Variants in ZFYVE27 observed in about 807,000 individuals in gnomAD.
ZFYVE27 encodes zinc finger FYVE-type containing 27, also known as protrudin.
A neutral mutation model predicts 52.8 loss-of-function variants in ZFYVE27; 36 were observed. The ratio of observed to expected loss-of-function variants is 0.68; its 90% confidence interval spans 0.52 to 0.90. ZFYVE27 has a LOEUF of 0.90. ZFYVE27 is among the 40% of genes least tolerant of loss of function. The pLI, the probability that ZFYVE27 is intolerant of heterozygous loss-of-function variation, is 0.00. For synonymous variants in ZFYVE27, 223 were observed against 215.6 expected (o/e 1.03, Z -0.30); for missense variants, 450 against 527.2 (o/e 0.85, Z 1.43).
chr10:97,738,065 G>T (rs570927252), intron 1 of ZFYVE27, among the ~76,000 whole-genome samples: 2 of 152,212 alleles, frequency 1.3e-5, no homozygotes, highest in Non-Finnish European at 2.9e-5. Flanking sequence ...CTCTGTTAGG[G>T]TGAGTACGTG....
chr10:97,740,770 TA>T (rs2043406478), intron 2 of ZFYVE27, among the ~76,000 whole-genome samples: 1 of 152,168 alleles, frequency 6.6e-6, no homozygotes, highest in South Asian at 2.1e-4. Flanking sequence ...GTTCTTTTCT[TA>T]GTAAAGAGGA....
In ZFYVE27 at chr10:97,738,498, G is replaced by A. The variant is rs372037708; in HGVS notation, c.21G>A (p.Glu7=). The A allele has an allele frequency of 6.2e-7, 1 of 1,614,046 alleles. No homozygotes were observed. The highest frequency in any genetic ancestry group is 8.5e-7 in the Non-Finnish European group (1 of 1,180,040). ...ACAGGATGCAGACATCAGAACGTGAGGGGAGTGGGCCGGAGCTGAGCCCCA... is the reference window on the plus strand; with the variant it reads ...ACAGGATGCAGACATCAGAACGTGAAGGGAGTGGGCCGGAGCTGAGCCCCA... MQTSER[E]GSGPELSPSV... is the part of the protein sequence containing the mutation. The change falls in exon 2 of 13, where the codon GAG becomes GAA. Residue 7 remains glutamate, a synonymous_variant. Transcript: ENST00000684270.
chr10:97,753,679 C>A (rs2047591120), intron 10 of ZFYVE27, among the ~76,000 whole-genome samples: 1 of 152,152 alleles, frequency 6.6e-6, no homozygotes, highest in South Asian at 2.1e-4. Flanking sequence ...TCAAATGAGA[C>A]AGTAGTACTT....
At chr10:97,753,465 C>G (rs998957668) in intron 10 of ZFYVE27, among the ~76,000 whole-genome samples, 2 of 152,186 alleles carry the variant, frequency 1.3e-5, no homozygotes, top group Non-Finnish European at 2.9e-5. Context: ...CATCCCAGGA[C>G]TGTAGAGAAC....
At position 97,759,570 on chromosome 10, in the gene ZFYVE27, C is replaced by A; in HGVS notation, c.*270C>A. ...TTGTCCTGCTCTGCCTGGGACTGAG[C>A]GAGTGGACTTAGGGCTGGGCAGGCA... On this transcript the variant is annotated 3_prime_UTR_variant, in exon 13 of 13. Coordinates refer to ENST00000684270, the MANE Select transcript of ZFYVE27 (RefSeq NM_001385875.1). 1.9e-6 allele frequency: 1 copy of A among 531,180 alleles called. No homozygotes were observed. Among genetic ancestry groups the A allele is most frequent in the Non-Finnish European group, 3.4e-6 (1 of 291,702 alleles). The allele number at this position is 531,180 out of a possible 1,614,324, so 32.9% of individuals were successfully genotyped here. A position where few individuals can be genotyped will look rare whatever the true frequency, so the allele number is the denominator to read the frequency against.
intron 12 of ZFYVE27, among the ~76,000 whole-genome samples, chr10:97,758,734 A>G (rs888865625): frequency 2.0e-5 from 3 of 152,238 alleles, no homozygotes; most frequent in African/African-American, 7.2e-5. Context: ...TTTACCACCC[A>G]GAGGTAACCA....
Position 97,737,605 on chromosome 10 carries a change from C to T in ZFYVE27, c.-2+284C>T, listed in dbSNP as rs992859423. Reference sequence around the variant, plus strand: ...GGGGATTTCGGGGTCCCGTTGGCCCCTTTGTCCCATCCCCTCACCCTCCCA... The same window carrying T: ...GGGGATTTCGGGGTCCCGTTGGCCCTTTTGTCCCATCCCCTCACCCTCCCA... On this transcript the variant is annotated intron_variant, in intron 1 of 12. Coordinates refer to ENST00000684270, the MANE Select transcript of ZFYVE27 (RefSeq NM_001385875.1). Among the ~76,000 whole-genome samples the T allele has an allele frequency of 4.3e-4, 66 of 152,264 alleles. 2 individuals are homozygous for T. The highest frequency in any genetic ancestry group is 2.9e-5 in the Non-Finnish European group (2 of 68,050).
intron 8 of ZFYVE27, among the ~76,000 whole-genome samples, chr10:97,752,319 A>G (rs549690506): frequency 2.0e-5 from 3 of 152,260 alleles, no homozygotes; most frequent in East Asian, 1.9e-4. Flanking sequence ...ATTTACCCCA[A>G]CTCACCTCAA....
At chr10:97,753,226 G>A (rs370247638) in intron 10 of ZFYVE27, 44 bp downstream of exon 10, 1 of 1,585,382 alleles carries the variant, frequency 6.3e-7, no homozygotes, top group East Asian at 2.3e-5. Flanking sequence ...GAGTGGGGGT[G>A]GACTTCTGGG....
At chr10:97,746,199 C>T (rs1299932923) in intron 4 of ZFYVE27, among the ~76,000 whole-genome samples, 1 of 151,778 alleles carries the variant, frequency 6.6e-6, no homozygotes, top group Non-Finnish European at 1.5e-5. Flanking sequence ...CAGGCATGTG[C>T]CACCATGTCC....
At chr10:97,745,695 A>G (rs979104370) in intron 4 of ZFYVE27, among the ~76,000 whole-genome samples, 2 of 152,206 alleles carry the variant, frequency 1.3e-5, no homozygotes, top group African/African-American at 4.8e-5. Flanking sequence ...GGTGTCTTGT[A>G]CTGGGGAAGT....
intron 6 of ZFYVE27, chr10:97,750,005 C>A (rs1413184121): frequency 9.4e-6 from 4 of 426,030 alleles, no homozygotes; most frequent in African/African-American, 2.0e-5. Flanking sequence ...TCTGGAGAGG[C>A]ACTGAGTCGC....
chr10:97,756,764 C>T (rs976192586), intron 10 of ZFYVE27, among the ~76,000 whole-genome samples: 15 of 152,236 alleles, frequency 9.9e-5, no homozygotes, highest in African/African-American at 3.4e-4. Flanking sequence ...TTCATGTCTT[C>T]TTGGAATGTG....
At position 97,760,003 on chromosome 10, in the gene ZFYVE27, C is replaced by G. The variant is rs1338359304; in HGVS notation, c.*703C>G. 6.5e-6 allele frequency: 1 copy of G among 154,496 alleles called. No individual in the cohort carries two copies. Among genetic ancestry groups the G allele is most frequent in the African/African-American group, 2.4e-5 (1 of 41,480 alleles). 9.6% of individuals were successfully genotyped at this position (154,496 alleles called of 1,614,324 possible). Reference sequence around the variant, plus strand: ...AATAGCTGGACAGACCTCGGCCTCCCCTCGAAGACACCTCAATTCACAGAC... The same window carrying G: ...AATAGCTGGACAGACCTCGGCCTCCGCTCGAAGACACCTCAATTCACAGAC... On this transcript the variant is annotated 3_prime_UTR_variant, in exon 13 of 13. Transcript: ENST00000684270.
intron 10 of ZFYVE27, among the ~76,000 whole-genome samples, chr10:97,755,480 A>G (rs186548739): frequency 6.6e-6 from 1 of 152,332 alleles, no homozygotes; most frequent in East Asian, 1.9e-4. Flanking sequence ...GTCGTCATAG[A>G]CAGCACCTTC....
At chr10:97,755,034 G>T (rs551130540) in intron 10 of ZFYVE27, among the ~76,000 whole-genome samples, 3 of 152,182 alleles carry the variant, frequency 2.0e-5, no homozygotes, top group African/African-American at 7.2e-5. Flanking sequence ...GCCCTTGCGT[G>T]TGAAGTCCCT....
At position 97,744,770 on chromosome 10, in the gene ZFYVE27, G is replaced by A. The variant is rs766719967; in HGVS notation, c.310G>A (p.Ala104Thr). ...SVGALMISVPALLGYLQEVCR... is the reference protein window; with the variant it reads ...SVGALMISVPTLLGYLQEVCR... ...AGGTGCCCTGATGATTTCAGTGCCC[G>A]CCCTGCTGGGCTACCTTCAGGAGGT... is the stretch of plus-strand genomic sequence containing the variant. The change falls in exon 4 of 13, where the codon GCC (alanine) becomes ACC (threonine). Residue 104 changes from alanine to threonine, a missense_variant. Transcript: ENST00000684270. 8.1e-6 allele frequency: 13 copies of A among 1,613,886 alleles called. No homozygotes were observed. The highest frequency in any genetic ancestry group is 1.7e-4 in the Middle Eastern group (1 of 5,906).
chr10:97,750,511 G>T (rs769711278), intron 7 of ZFYVE27, 41 bp downstream of exon 7: 3 of 1,612,078 alleles, frequency 1.9e-6, no homozygotes, highest in South Asian at 2.2e-5. Flanking sequence ...GTGGCCGCTT[G>T]TGGGCCCCCC....
chr10:97,747,481 A>G (rs77254053), intron 4 of ZFYVE27, among the ~76,000 whole-genome samples: 9,874 of 152,246 alleles, frequency 0.065, 434 homozygotes, highest in Non-Finnish European at 0.094. Context: ...TAATTATTCT[A>G]TCGACATTTT....
Sources: gnomAD v4.1 joint callset for allele counts (sites outside exome capture counted in the v4.1 genomes callset) on GRCh38, gnomAD v4.1.1 for gene constraint, MANE v1.5 for transcripts, NCBI Gene and HGNC (gene_info 2026-07-23, HGNC 2026-07-21) for gene names.